The following LMTK2 variants were observed in gnomAD, a reference collection of about 807,000 sequenced individuals.
The protein encoded by LMTK2 is serine/threonine-protein kinase LMTK2.
A neutral mutation model predicts 127.5 loss-of-function variants in LMTK2; 37 were observed. That is an observed-to-expected ratio of 0.29 (90% CI 0.22 to 0.38). The LOEUF is 0.38. Among genes scored for constraint, LMTK2 ranks in the 10% least tolerant of loss-of-function variants. The pLI is 1.00. For missense variants in LMTK2, 1,694 were observed against 1,920.3 expected, an observed-to-expected ratio of 0.88 and a Z score of 2.20; for synonymous variants, 819 against 810.1, an observed-to-expected ratio of 1.01 and a Z score of -0.19.
intron 3 of LMTK2, among the ~76,000 whole-genome samples, chr7:98,144,357 C>T (rs185748332): frequency 3.6e-4 from 54 of 151,236 alleles, no homozygotes; most frequent in African/African-American, 1.2e-3. Context: ...GGCATGAACC[C>T]GGGAGGCGGA....
chr7:98,140,162 CT>C (rs370445828), intron 2 of LMTK2, among the ~76,000 whole-genome samples: 35,706 of 47,490 alleles, frequency 0.75, 13,596 homozygotes, highest in Middle Eastern at 0.84. Context: ...CTTTTCTTTT[CT>C]TTTCTTTTCT....
rs187745839 is a variant in LMTK2 at position 98,196,080 on chromosome 7, T to C, written c.4107+1508T>C. Among the ~76,000 whole-genome samples, 245 of 151,984 alleles carry C rather than the reference T, an allele frequency of 1.6e-3. 1 individual carries two copies. The highest frequency in any genetic ancestry group is 5.6e-3 in the African/African-American group (231 of 41,470). On this transcript the variant is annotated intron_variant, in intron 11 of 13. Coordinates refer to ENST00000297293, the MANE Select transcript of LMTK2 (RefSeq NM_014916.4). The stretch of plus-strand genomic sequence containing the variant: ...TAGGCAAGACTGCAGGCCCAGCTAC[T>C]TGGGAGGCTGAGGCATGAGAATTGC...
chr7:98,129,367 T>TTTGG (rs2116344785), intron 1 of LMTK2, among the ~76,000 whole-genome samples: 1 of 136,078 alleles, frequency 7.3e-6, no homozygotes, highest in South Asian at 2.4e-4. Flanking sequence ...TTTTGTTTTG[T>TTTGG]TTTGTTTTGT....
intron 13 of LMTK2, 53 bp downstream of exon 13, chr7:98,204,239 C>T: frequency 1.3e-6 from 2 of 1,579,410 alleles, no homozygotes; most frequent in South Asian, 2.2e-5. Flanking sequence ...GGGTGGGGCG[C>T]TGCAGCTGGG....
chr7:98,203,857 G>C lies in LMTK2; in HGVS notation c.4241-87G>C, dbSNP rs961775788. 31 of 1,587,562 alleles carry C rather than the reference G, an allele frequency of 2.0e-5. No individual in the cohort carries two copies. In the South Asian group the frequency reaches 2.4e-4, roughly 13 times the overall value. ...CCAGCCGGGCCGGGCTGTGTCTTCC[G>C]ACCTGCAGGGCGCACCTGCCCAGAG... On this transcript the variant is annotated intron_variant, in intron 12 of 13. Coordinates refer to ENST00000297293, the MANE Select transcript of LMTK2 (RefSeq NM_014916.4).
rs777892386 is a variant in LMTK2 at position 98,205,517 on chromosome 7, G to A, written c.*25G>A. The A allele has an allele frequency of 6.2e-7, 1 of 1,611,136 alleles. No individual in the cohort carries two copies. Among genetic ancestry groups the A allele is most frequent in the East Asian group, 2.2e-5 (1 of 44,870 alleles). Reference sequence around the variant, plus strand: ...GGTGGCTGCCAACGCGCACGCTCGGGTCCGAGGCTGCTCCCCTGGAGCGGC... The same window carrying A: ...GGTGGCTGCCAACGCGCACGCTCGGATCCGAGGCTGCTCCCCTGGAGCGGC... On this transcript the variant is annotated 3_prime_UTR_variant, in exon 14 of 14. Transcript: ENST00000297293.
At position 98,205,543 on chromosome 7, in the gene LMTK2, GC is replaced by G; in HGVS notation, c.*55del. 1.9e-6 allele frequency: 3 copies of G among 1,590,268 alleles called. No homozygotes were observed. On this transcript the variant is annotated 3_prime_UTR_variant, in exon 14 of 14. Transcript: ENST00000297293. The stretch of plus-strand genomic sequence containing the variant: ...TCCGAGGCTGCTCCCCTGGAGCGGC[GC>G]CCCTGCGCCCTCAGCCCGAGCAGCG...
Position 98,193,037 on chromosome 7 carries a change from A to G in LMTK2, c.2572A>G (p.Ile858Val), listed in dbSNP as rs940679446. 2.5e-6 allele frequency: 4 copies of G among 1,614,014 alleles called. No individual in the cohort carries two copies. Among genetic ancestry groups the G allele is most frequent in the Non-Finnish European group, 3.4e-6 (4 of 1,180,014 alleles). The change falls in exon 11 of 14, where the codon ATC becomes GTC. Residue 858 changes from isoleucine (I) to valine (V), a missense_variant. Physicochemically the swap from Ile to Val is conservative, Grantham distance 29. This residue lies in a region of LMTK2 where 527 missense variants were observed against 539.8 expected (regional missense o/e 0.98). Coordinates refer to ENST00000297293, the MANE Select transcript of LMTK2 (RefSeq NM_014916.4). The surrounding 1 kb of genome is among the most constrained non-coding windows in gnomAD (Gnocchi z 4.1). ...IVPEDCLHQDISPDAVTVPVE... is the reference protein window; with the variant it reads ...IVPEDCLHQDVSPDAVTVPVE... The stretch of plus-strand genomic sequence containing the variant: ...CCCGGAGGACTGTCTCCACCAGGAC[A>G]TCAGTCCAGACGCTGTGACTGTCCC...
chr7:98,205,321 G>A (rs1797773237), intron 13 of LMTK2, 143 bp from the exon 14 acceptor site: 1 of 932,438 alleles, frequency 1.1e-6, no homozygotes, highest in East Asian at 2.5e-5. Flanking sequence ...CGAAGGAAAG[G>A]ACAGGAAGGG....
chr7:98,192,220 A>G lies in LMTK2; in HGVS notation c.1755A>G (p.Glu585=), dbSNP rs1300337451. The change falls in exon 11 of 14, where the codon GAA becomes GAG. Residue 585 remains glutamate (E), a synonymous_variant. Transcript: ENST00000297293. ...DMDNPERTGP[E]LSQLTALRSV... is the part of the protein sequence containing the mutation. The stretch of plus-strand genomic sequence containing the variant: ...ATAATCCAGAAAGGACTGGCCCTGA[A>G]CTGTCCCAGCTCACGGCGCTCAGGA... The G allele has an allele frequency of 6.6e-7, 1 of 1,524,586 alleles. No homozygotes were observed. 94.4% of individuals were successfully genotyped at this position (1,524,586 alleles called of 1,614,324 possible). A position where few individuals can be genotyped will look rare whatever the true frequency, so the allele number is the denominator to read the frequency against.
rs36084122 is a variant in LMTK2, at chr7:98,194,270, C to G, written c.3805C>G (p.Leu1269Val). 1.9e-6 allele frequency: 3 copies of G among 1,614,152 alleles called. No individual in the cohort carries two copies. The East Asian group carries it at 6.7e-5, about 36-fold the overall frequency. Residue 1269 changes from leucine to valine, a missense_variant, in exon 11 of 14, where the codon CTC (leucine) becomes GTC (valine). Physicochemically the swap from Leu to Val is conservative, Grantham distance 32. This residue lies in a region of LMTK2 where 554 missense variants were observed against 567.7 expected (regional missense o/e 0.98). Transcript: ENST00000297293. This position sits in a 1 kb window ranked among gnomAD's most constrained non-coding sequence, Gnocchi z 5.4. ...CATCGAAGGGAAGTACCTGGGGAAA[C>G]TCGGGGTGTCAGGGATGCTCGACCT... ...PDIEGKYLGK[L>V]GVSGMLDLSE...
At chr7:98,113,711 G>T (rs1796237106) in intron 1 of LMTK2, among the ~76,000 whole-genome samples, 1 of 152,186 alleles carries the variant, frequency 6.6e-6, no homozygotes, top group Non-Finnish European at 1.5e-5. Context: ...TCCCTCTAGG[G>T]ATTTTAGATT....
In LMTK2 at chr7:98,203,948, T is replaced by TGGCTTTGAGTGGG; in HGVS notation, c.4246_4258dup (p.Asp1420GlyfsTer3). On this transcript the variant is annotated frameshift_variant, in exon 13 of 14. Coordinates refer to ENST00000297293, the MANE Select transcript of LMTK2 (RefSeq NM_014916.4). LOFTEE classifies it high-confidence loss of function. ...GGTTTTATTTTTTATTTCTAGGTGG[T>TGGCTTTGAGTGGG]GGCTTTGAGTGGGATGATGACTTCT... The TGGCTTTGAGTGGG allele has an allele frequency of 6.2e-7, 1 of 1,613,804 alleles. No individual in the cohort carries two copies. Among genetic ancestry groups the TGGCTTTGAGTGGG allele is most frequent in the South Asian group, 1.1e-5 (1 of 91,084 alleles).
intron 7 of LMTK2, among the ~76,000 whole-genome samples, chr7:98,181,825 A>G (rs1358333104): frequency 6.6e-6 from 1 of 152,022 alleles, no homozygotes; most frequent in Non-Finnish European, 1.5e-5. Flanking sequence ...TGCCCGGCTA[A>G]TTTTTGTATT....
intron 11 of LMTK2, among the ~76,000 whole-genome samples, chr7:98,200,859 G>A (rs1428675127): frequency 6.6e-6 from 1 of 151,646 alleles, no homozygotes; most frequent in African/African-American, 2.4e-5. Flanking sequence ...TTTCTTATTT[G>A]TGGTTGTTTC....
chr7:98,109,952 T>C (rs1796176669), intron 1 of LMTK2, among the ~76,000 whole-genome samples: 2 of 152,106 alleles, frequency 1.3e-5, no homozygotes, highest in Admixed American at 6.6e-5. Flanking sequence ...CGCTTGACCA[T>C]GTATGGTAGA....
chr7:98,146,743 C>T (rs920689813), intron 3 of LMTK2, among the ~76,000 whole-genome samples: 13 of 151,982 alleles, frequency 8.6e-5, no homozygotes, highest in African/African-American at 2.7e-4. Context: ...TTAATGCATT[C>T]GTATTTTAAA....
intron 2 of LMTK2, among the ~76,000 whole-genome samples, chr7:98,139,365 T>C (rs1448659321): frequency 6.6e-6 from 1 of 152,220 alleles, no homozygotes; most frequent in African/African-American, 2.4e-5. Context: ...TCCTCCCGCC[T>C]CTGCCTCCCA....
chr7:98,128,320 C>A (rs905077570), intron 1 of LMTK2, among the ~76,000 whole-genome samples: 1 of 152,072 alleles, frequency 6.6e-6, no homozygotes, highest in Non-Finnish European at 1.5e-5. Flanking sequence ...CACTGTTGTC[C>A]TTGTAAAATG....
Sources: gnomAD v4.1 joint callset for allele counts (sites outside exome capture counted in the v4.1 genomes callset) on GRCh38, gnomAD v4.1.1 for gene constraint, gnomAD v4.1.1 regional missense constraint, Gnocchi (gnomAD v3.1) non-coding constraint, MANE v1.5 for transcripts, NCBI Gene and HGNC (gene_info 2026-07-23, HGNC 2026-07-21) for gene names.